Variants in SLC35F4 observed in about 807,000 individuals in gnomAD.
SLC35F4 encodes the protein solute carrier family 35 member F4.
In SLC35F4, 24 loss-of-function variants were observed where a neutral mutation model predicts 44.2. The ratio of observed to expected loss-of-function variants is 0.54; its 90% CI spans 0.39 to 0.76. The LOEUF (loss-of-function observed/expected upper bound fraction) is 0.76, where lower values mean the gene tolerates loss of function less well. SLC35F4 is among the 30% of genes least tolerant of loss of function. The probability of loss-of-function intolerance (pLI) is 0.00; values close to 1 mark genes in which losing one functional copy is unlikely to be tolerated. For missense variants in SLC35F4, 562 were observed against 586.1 expected (o/e 0.96, Z 0.42); for synonymous variants, 238 against 223.6 (o/e 1.06, Z -0.57).
intron 1 of SLC35F4, among the ~76,000 whole-genome samples, chr14:57,950,675 C>CTTTTTTTTTTTTTTTTTTTTTTTT (rs59027196): frequency 5.5e-5 from 7 of 127,210 alleles, no homozygotes; most frequent in East Asian, 5.4e-4. Context: ...TTCTTTCTTT[C>CTTTTTTTTTTTTTTTTTTTTTTTT]TTTTTTTTTT....
intron 1 of SLC35F4, among the ~76,000 whole-genome samples, chr14:57,797,211 C>T (rs1424876650): frequency 6.6e-6 from 1 of 152,206 alleles, no homozygotes; most frequent in Non-Finnish European, 1.5e-5. Context: ...CATGTTCCAT[C>T]ACCTCTGCTA....
At chr14:57,669,543 G>C (rs915200755) in intron 1 of SLC35F4, among the ~76,000 whole-genome samples, 4 of 152,054 alleles carry the variant, frequency 2.6e-5, no homozygotes, top group Non-Finnish European at 5.9e-5. Flanking sequence ...AGCATGAAGG[G>C]CAGTTGAATT....
At position 57,688,852 on chromosome 14, in the gene SLC35F4, T is replaced by C. The variant is rs957026503; in HGVS notation, c.104-94728A>G. Among the ~76,000 whole-genome samples the C allele has an allele frequency of 1.8e-4, 27 of 152,174 alleles. 1 individual carries two copies. The highest frequency in any genetic ancestry group is 9.2e-4 in the Admixed American group (14 of 15,256). On this transcript the variant is annotated intron_variant, in intron 1 of 7. Transcript: ENST00000556826. ...ACAAAGGGCTCCTCATTATTTACCATTGTAAATTAATTTCTGTCATTTACA... is the reference window on the plus strand; with the variant it reads ...ACAAAGGGCTCCTCATTATTTACCACTGTAAATTAATTTCTGTCATTTACA...
chr14:57,576,748 C>T (rs1183968485), intron 4 of SLC35F4, among the ~76,000 whole-genome samples: 1 of 152,120 alleles, frequency 6.6e-6, no homozygotes, highest in Non-Finnish European at 1.5e-5. Context: ...TGAACTCCCC[C>T]TCTCCCTACA....
chr14:57,746,157 A>G (rs1036645497), intron 1 of SLC35F4, among the ~76,000 whole-genome samples: 2 of 152,124 alleles, frequency 1.3e-5, no homozygotes. Context: ...TGGGTGCAGC[A>G]CACCAACATG....
At chr14:57,627,973 A>G (rs1208645572) in intron 1 of SLC35F4, among the ~76,000 whole-genome samples, 1 of 152,078 alleles carries the variant, frequency 6.6e-6, no homozygotes. Flanking sequence ...AGGCTGATAA[A>G]GATCTCAATT....
chr14:57,579,381 C>T (rs1275849009), intron 4 of SLC35F4: 1 of 152,202 alleles, frequency 6.6e-6, no homozygotes, highest in Non-Finnish European at 1.5e-5. Context: ...ATAAGTTACA[C>T]AGTTGTTTTC....
chr14:57,785,367 C>T (rs2077729478), intron 1 of SLC35F4, among the ~76,000 whole-genome samples: 1 of 152,176 alleles, frequency 6.6e-6, no homozygotes, highest in Non-Finnish European at 1.5e-5. Context: ...CTGCCTGCTT[C>T]CCCTGACAAT....
At chr14:57,581,154 C>A in intron 4 of SLC35F4, 60 bp downstream of exon 4, 1 of 1,442,008 alleles carries the variant, frequency 6.9e-7, no homozygotes, top group Non-Finnish European at 9.2e-7. Flanking sequence ...ACAGGCTCTC[C>A]TGAAGCCAAG....
In SLC35F4 at chr14:57,563,942, A is replaced by T. The variant is rs1180073480; in HGVS notation, c.*193T>A. 1 of 623,952 alleles carries T rather than the reference A, an allele frequency of 1.6e-6. No individual in the cohort carries two copies. Among genetic ancestry groups the T allele is most frequent in the Non-Finnish European group, 2.6e-6 (1 of 389,734 alleles). 38.7% of individuals were successfully genotyped at this position (623,952 alleles called of 1,614,324 possible). ...AGAACAAGGACAAATGTGTTTTAAT[A>T]AAAAAATCCATTATGATTATTTACA... is the stretch of plus-strand genomic sequence containing the variant. On this transcript the variant is annotated 3_prime_UTR_variant, in exon 8 of 8. Coordinates refer to ENST00000556826, the MANE Select transcript of SLC35F4 (RefSeq NM_001306087.2).
intron 1 of SLC35F4, among the ~76,000 whole-genome samples, chr14:57,698,317 C>T (rs2075440914): frequency 1.3e-5 from 2 of 152,160 alleles, no homozygotes. Flanking sequence ...GGCACACTTA[C>T]GATTATATTC....
At chr14:57,957,511 A>G (rs114669434) in intron 1 of SLC35F4, among the ~76,000 whole-genome samples, 4,872 of 152,238 alleles carry the variant, frequency 0.032, 100 homozygotes, top group Non-Finnish European at 0.042. Flanking sequence ...TTTAATTGTA[A>G]TCTCAAAATC....
chr14:57,768,425 A>C (rs2077283765), intron 1 of SLC35F4, among the ~76,000 whole-genome samples: 1 of 152,216 alleles, frequency 6.6e-6, no homozygotes, highest in Admixed American at 6.5e-5. Flanking sequence ...CTGTTCTCCA[A>C]AAGTGTCCTG....
intron 1 of SLC35F4, among the ~76,000 whole-genome samples, chr14:57,855,672 A>G (rs1404769427): frequency 6.6e-6 from 1 of 152,230 alleles, no homozygotes; most frequent in African/African-American, 2.4e-5. Context: ...CATTTGACCT[A>G]GGAATCCCAT....
rs1199749486 is a variant in SLC35F4 at position 57,611,806 on chromosome 14, C to T, written c.104-17682G>A. On this transcript the variant is annotated intron_variant, in intron 1 of 7. Transcript: ENST00000556826. ...ACTGAAAGGTAGATAACATCAAAGT[C>T]GAGTGAAGTTAGTCAAGATACATGG... Among the ~76,000 whole-genome samples the T allele has an allele frequency of 2.0e-5, 3 of 151,972 alleles. 1 individual carries two copies. Among genetic ancestry groups the T allele is most frequent in the South Asian group, 4.2e-4 (2 of 4,812 alleles).
intron 5 of SLC35F4, among the ~76,000 whole-genome samples, chr14:57,571,312 G>A (rs1289392702): frequency 2.0e-5 from 3 of 152,134 alleles, no homozygotes; most frequent in Non-Finnish European, 4.4e-5. Flanking sequence ...GAAAAAAATG[G>A]TGGGTACCTA....
At chr14:57,618,712 G>T (rs977997829) in intron 1 of SLC35F4, among the ~76,000 whole-genome samples, 2 of 152,178 alleles carry the variant, frequency 1.3e-5, no homozygotes, top group African/African-American at 4.8e-5. Flanking sequence ...CCTGGAAAGG[G>T]GGCTTGAAGC....
At chr14:57,629,369 T>A (rs2072649206) in intron 1 of SLC35F4, among the ~76,000 whole-genome samples, 1 of 152,138 alleles carries the variant, frequency 6.6e-6, no homozygotes, top group Non-Finnish European at 1.5e-5. Context: ...ATAAACACTG[T>A]TTTCCACTTA....
rs1380060433 is a variant in SLC35F4, at chr14:57,564,287, A to G, written c.1306T>C (p.Leu436=). The change falls in exon 8 of 8, where the codon TTG becomes CTG. Residue 436 remains leucine (L), a synonymous_variant. Coordinates refer to ENST00000556826, the MANE Select transcript of SLC35F4 (RefSeq NM_001306087.2). The part of the protein sequence containing the change: ...IICIGFLLML[L]PEEWDEITLR... ...GTGATTTCATCCCATTCCTCAGGCA[A>G]CAGCATCAGCAGAAACCCAATGCAG... 1.2e-6 allele frequency: 2 copies of G among 1,612,912 alleles called. No individual in the cohort carries two copies. Among genetic ancestry groups the G allele is most frequent in the Non-Finnish European group, 8.5e-7 (1 of 1,179,504 alleles).
Sources: gnomAD v4.1 joint callset for allele counts (sites outside exome capture counted in the v4.1 genomes callset) on GRCh38, gnomAD v4.1.1 for gene constraint, MANE v1.5 for transcripts, NCBI Gene and HGNC (gene_info 2026-07-23, HGNC 2026-07-21) for gene names.